The following FMN2 variants were observed in gnomAD, a reference collection of about 807,000 sequenced individuals.
FMN2 encodes the protein formin-2.
Under a neutral mutation model 142.3 loss-of-function variants are expected in FMN2, and 51 were observed. That is an observed-to-expected ratio of 0.36 (90% CI 0.29 to 0.45). The LOEUF (loss-of-function observed/expected upper bound fraction) is 0.45, where lower values mean the gene tolerates loss of function less well. Among genes scored for constraint, FMN2 ranks in the 20% least tolerant of loss-of-function variants. FMN2 has a pLI of 1.00. For missense variants in FMN2, 1,936 were observed against 2,122.8 expected, an observed-to-expected ratio of 0.91 and a Z score of 1.73; for synonymous variants, 882 against 869.8, an observed-to-expected ratio of 1.01 and a Z score of -0.25.
intron 6 of FMN2, among the ~76,000 whole-genome samples, chr1:240,213,168 T>C (rs1433883067): frequency 1.3e-5 from 2 of 152,216 alleles, no homozygotes; most frequent in Non-Finnish European, 2.9e-5. Flanking sequence ...GTGTTGAGCA[T>C]CATCATCTTA....
chr1:240,222,616 A>G (rs1021524082), intron 6 of FMN2, among the ~76,000 whole-genome samples: 4 of 152,098 alleles, frequency 2.6e-5, no homozygotes, highest in Admixed American at 1.3e-4. Flanking sequence ...GATTCTTCCT[A>G]TCCATGAGCA....
intron 13 of FMN2, among the ~76,000 whole-genome samples, chr1:240,337,059 C>T (rs112088360): frequency 1.5e-4 from 23 of 151,694 alleles, no homozygotes; most frequent in East Asian, 5.8e-4. Flanking sequence ...TTTTTAGGAA[C>T]GAGAGGGATA....
chr1:240,160,854 A>G (rs1664247450), intron 2 of FMN2, among the ~76,000 whole-genome samples: 1 of 152,222 alleles, frequency 6.6e-6, no homozygotes, highest in Non-Finnish European at 1.5e-5. Context: ...ACATTTACAG[A>G]TAAATAATTA....
At chr1:240,143,927 C>T in intron 2 of FMN2, 1 of 1,517,556 alleles carries the variant, frequency 6.6e-7, no homozygotes, top group Non-Finnish European at 9.2e-7. Flanking sequence ...CAAGCCTAGC[C>T]CAAAGATGGA....
intron 2 of FMN2, among the ~76,000 whole-genome samples, chr1:240,175,810 G>C (rs1664890195): frequency 6.6e-6 from 1 of 152,086 alleles, no homozygotes; most frequent in African/African-American, 2.4e-5. Context: ...TAGTGATATT[G>C]AGCATCTTTT....
chr1:240,184,362 G>T (rs1665292841), intron 3 of FMN2, among the ~76,000 whole-genome samples: 1 of 140,358 alleles, frequency 7.1e-6, no homozygotes, highest in Non-Finnish European at 1.5e-5. Context: ...TCAGCCTCCC[G>T]AGTAGCTGGG....
At chr1:240,445,176 C>T (rs530641038) in intron 16 of FMN2, among the ~76,000 whole-genome samples, 19 of 152,294 alleles carry the variant, frequency 1.2e-4, no homozygotes, top group African/African-American at 4.1e-4. Context: ...ATTGGAGTAA[C>T]GCATACACAT....
At chr1:240,295,892 G>C (rs1669959677) in intron 8 of FMN2, among the ~76,000 whole-genome samples, 1 of 152,216 alleles carries the variant, frequency 6.6e-6, no homozygotes, top group African/African-American at 2.4e-5. Context: ...AGTGTGCCAG[G>C]GTTCCCTTTT....
chr1:240,137,979 C>T (rs962094031), intron 2 of FMN2, among the ~76,000 whole-genome samples: 8 of 150,672 alleles, frequency 5.3e-5, no homozygotes, highest in African/African-American at 2.0e-4. Flanking sequence ...GCAGGAGAAT[C>T]CCTTGAATCC....
intron 14 of FMN2, among the ~76,000 whole-genome samples, chr1:240,389,636 A>G (rs904019991): frequency 6.6e-6 from 1 of 152,206 alleles, no homozygotes; most frequent in Non-Finnish European, 1.5e-5. Context: ...GTTGTCACTA[A>G]GTTAACACCA....
rs113677551 is a variant in FMN2, at chr1:240,127,370, C to CT, written c.1782+4039dup. Among the ~76,000 whole-genome samples, 946 of 139,892 alleles carry CT rather than the reference C, an allele frequency of 6.8e-3. 9 individuals carry two copies. Among genetic ancestry groups the CT allele is most frequent in the African/African-American group, 0.02 (782 of 38,158 alleles). 91.8% of individuals were successfully genotyped at this position (139,892 alleles called of 152,430 possible). On this transcript the variant is annotated intron_variant, in intron 2 of 17. Transcript: ENST00000319653. ...TACAGGCATGAGCCACCATACCTGGCTTTTTTTTTTTTTTAAATGGGAGCT... is the reference window on the plus strand; with the variant it reads ...TACAGGCATGAGCCACCATACCTGGCTTTTTTTTTTTTTTTAAATGGGAGCT...
At chr1:240,282,687 C>T (rs1259383652) in intron 7 of FMN2, among the ~76,000 whole-genome samples, 1 of 152,170 alleles carries the variant, frequency 6.6e-6, no homozygotes, top group Non-Finnish European at 1.5e-5. Context: ...TCCAGGTGCC[C>T]AAGCATCTTA....
chr1:240,355,836 A>G lies in FMN2; in HGVS notation c.4786A>G (p.Lys1596Glu). 6.2e-7 allele frequency: 1 copy of G among 1,612,128 alleles called. No individual in the cohort carries two copies. Among genetic ancestry groups the G allele is most frequent in the Non-Finnish European group, 8.5e-7 (1 of 1,178,712 alleles). Residue 1596 changes from lysine to glutamate, a missense_variant, in exon 14 of 18, where the codon AAA becomes GAA. Coordinates refer to ENST00000319653, the MANE Select transcript of FMN2 (RefSeq NM_020066.5). Reference sequence around the variant, plus strand: ...TTCAGCCTGTGAAGTTGAAGCAGGGAAAGTATACCAGGTCTCCTCAAAAGA... The same window carrying G: ...TTCAGCCTGTGAAGTTGAAGCAGGGGAAGTATACCAGGTCTCCTCAAAAGA... Reference protein sequence around the residue: ...DLKACEVEAGKVYQVSSKEHM... With the variant: ...DLKACEVEAGEVYQVSSKEHM...
At chr1:240,206,115 G>A (rs1666343402) in intron 4 of FMN2, among the ~76,000 whole-genome samples, 2 of 151,466 alleles carry the variant, frequency 1.3e-5, no homozygotes, top group Middle Eastern at 3.5e-3. Context: ...TGTTGCTCAG[G>A]CTGGTCTTGA....
chr1:240,384,990 A>G (rs1005280288), intron 14 of FMN2, among the ~76,000 whole-genome samples: 6 of 152,330 alleles, frequency 3.9e-5, no homozygotes, highest in East Asian at 1.9e-4. Flanking sequence ...GGAAAAAACT[A>G]TGTAATATTT....
intron 2 of FMN2, among the ~76,000 whole-genome samples, chr1:240,161,532 G>GA (rs35184213): frequency 0.017 from 2,233 of 134,588 alleles, 37 homozygotes; most frequent in African/African-American, 0.048. Context: ...GACTCCACCT[G>GA]AAAAAAAAAA....
intron 15 of FMN2, among the ~76,000 whole-genome samples, chr1:240,429,947 G>A (rs574169935): frequency 6.7e-6 from 1 of 150,174 alleles, no homozygotes; most frequent in East Asian, 2.0e-4. Context: ...GTGCAGTGGT[G>A]CGATCTCAGC....
chr1:240,455,862 C>A (rs1256199539), intron 16 of FMN2, among the ~76,000 whole-genome samples: 3 of 152,044 alleles, frequency 2.0e-5, no homozygotes, highest in Non-Finnish European at 4.4e-5. Flanking sequence ...GTAGTCCCAG[C>A]TACTCAGGAG....
chr1:240,317,096 A>G (rs978187433), intron 8 of FMN2, among the ~76,000 whole-genome samples: 6 of 152,080 alleles, frequency 3.9e-5, no homozygotes, highest in African/African-American at 1.2e-4. Context: ...CACGAGGTCT[A>G]TCACAAGGTC....
Sources: allele counts gnomAD v4.1 joint callset (sites outside exome capture counted in the v4.1 genomes callset), GRCh38; gene constraint gnomAD v4.1.1; transcripts MANE v1.5; gene names NCBI Gene and HGNC (gene_info 2026-07-23, HGNC 2026-07-21).